The following FMN1 variants were observed in gnomAD, a reference collection of about 807,000 sequenced individuals.
FMN1 encodes formin 1, also known as formin-1.
A neutral mutation model predicts 132.4 loss-of-function variants in FMN1; 110 were observed. The observed-to-expected ratio is 0.83, with a 90% CI of 0.71 to 0.97. The LOEUF (loss-of-function observed/expected upper bound fraction) is 0.97. FMN1 is among the 50% of genes least tolerant of loss of function. FMN1 has a pLI of 0.00. For missense variants in FMN1, 1,792 were observed against 1,705.3 expected (o/e 1.05, Z -0.90); for synonymous variants, 722 against 651.7 (o/e 1.11, Z -1.64).
At chr15:32,808,009 TG>T (rs1396245595) in intron 17 of FMN1, among the ~76,000 whole-genome samples, 1 of 152,192 alleles carries the variant, frequency 6.6e-6, no homozygotes, top group Non-Finnish European at 1.5e-5. Flanking sequence ...ATACATGACC[TG>T]GAAGAACCAT....
intron 6 of FMN1, among the ~76,000 whole-genome samples, chr15:33,057,032 G>A (rs761972031): frequency 6.6e-6 from 1 of 152,114 alleles, no homozygotes; most frequent in African/African-American, 2.4e-5. Context: ...AAATAAATTA[G>A]CCAGGCACGG....
intron 6 of FMN1, among the ~76,000 whole-genome samples, chr15:33,053,450 G>A (rs1038223349): frequency 6.6e-6 from 1 of 152,166 alleles, no homozygotes; most frequent in African/African-American, 2.4e-5. Context: ...CCCACAAGGG[G>A]CTGAGTGCAG....
At chr15:32,929,981 A>ATTTTTTTT (rs377263342) in intron 9 of FMN1, among the ~76,000 whole-genome samples, 3 of 91,970 alleles carry the variant, frequency 3.3e-5, no homozygotes, top group African/African-American at 4.8e-5. Flanking sequence ...CTATTTTTAA[A>ATTTTTTTT]TTTTTTTTTT....
chr15:32,907,857 C>T (rs1049975531), intron 12 of FMN1, among the ~76,000 whole-genome samples: 2 of 152,046 alleles, frequency 1.3e-5, no homozygotes, highest in South Asian at 2.1e-4. Flanking sequence ...CTGCAGAGCC[C>T]CGGGAGCTTA....
At chr15:32,933,318 T>C (rs1177715534) in intron 9 of FMN1, among the ~76,000 whole-genome samples, 2 of 152,240 alleles carry the variant, frequency 1.3e-5, no homozygotes, top group Non-Finnish European at 2.9e-5. Context: ...TCTAGTTTCA[T>C]GCCATTGTGG....
At chr15:32,926,736 T>G (rs1220480534) in intron 9 of FMN1, among the ~76,000 whole-genome samples, 1 of 152,264 alleles carries the variant, frequency 6.6e-6, no homozygotes, top group East Asian at 1.9e-4. Context: ...CTTGGTAAAG[T>G]GATAACCTCT....
intron 4 of FMN1, 31 bp from the exon 5 acceptor site, chr15:33,089,005 C>T: frequency 2.0e-6 from 3 of 1,504,782 alleles, no homozygotes; most frequent in Non-Finnish European, 2.7e-6. Flanking sequence ...CCATCAGTGA[C>T]ATGGCAGCCA....
intron 9 of FMN1, among the ~76,000 whole-genome samples, chr15:32,931,634 C>A (rs1175473995): frequency 6.6e-6 from 1 of 152,144 alleles, no homozygotes; most frequent in African/African-American, 2.4e-5. Context: ...CATATAAGAT[C>A]ATATCTGTGA....
At chr15:33,102,134 T>G in intron 4 of FMN1, among the ~76,000 whole-genome samples, 1 of 152,154 alleles carries the variant, frequency 6.6e-6, no homozygotes, top group East Asian at 1.9e-4. Flanking sequence ...CTCCGTTATG[T>G]GCTAATTTAT....
At position 32,798,890 on chromosome 15, in the gene FMN1, G is replaced by C. The variant is rs2057382103; in HGVS notation, c.4044C>G (p.Pro1348=). ...KPKSGEKEIT[P]SYVFMVWYEF... is the part of the protein sequence containing the mutation. ...CATACCACACCATAAACACGTAGCTGGGTGTGATCTCCTTCTCACCAGACT... is the reference window on the plus strand; with the variant it reads ...CATACCACACCATAAACACGTAGCTCGGTGTGATCTCCTTCTCACCAGACT... Residue 1348 remains proline, a synonymous_variant, in exon 19 of 21, where the codon CCC becomes CCG. Coordinates refer to ENST00000616417, the MANE Select transcript of FMN1 (RefSeq NM_001277313.2). 2 of 1,613,024 alleles carry C rather than the reference G, an allele frequency of 1.2e-6. No homozygotes were observed. The highest frequency in any genetic ancestry group is 1.3e-5 in the African/African-American group (1 of 74,870).
chr15:33,116,919 T>C (rs894163902), intron 4 of FMN1, among the ~76,000 whole-genome samples: 1 of 144,648 alleles, frequency 6.9e-6, no homozygotes, highest in African/African-American at 2.5e-5. Context: ...TGAAACACGT[T>C]TTACAGCACT....
chr15:33,094,644 T>C (rs2039014532), intron 4 of FMN1, among the ~76,000 whole-genome samples: 1 of 152,224 alleles, frequency 6.6e-6, no homozygotes, highest in Non-Finnish European at 1.5e-5. Context: ...CATAGGAGCC[T>C]AGAGCCATGA....
At chr15:33,023,755 G>C (rs2035533474) in intron 6 of FMN1, among the ~76,000 whole-genome samples, 2 of 152,044 alleles carry the variant, frequency 1.3e-5, no homozygotes, top group African/African-American at 2.4e-5. Flanking sequence ...GAGTACAAAA[G>C]GAAGCATATA....
intron 4 of FMN1, among the ~76,000 whole-genome samples, chr15:33,089,814 A>G (rs977569636): frequency 2.6e-5 from 4 of 152,340 alleles, no homozygotes; most frequent in African/African-American, 9.6e-5. Context: ...CTGACATTCT[A>G]TTCTTAAGAT....
At chr15:32,971,491 T>C (rs1436440790) in intron 7 of FMN1, among the ~76,000 whole-genome samples, 1 of 152,164 alleles carries the variant, frequency 6.6e-6, no homozygotes, top group Non-Finnish European at 1.5e-5. Flanking sequence ...TGTTTCAACA[T>C]CGTATCATTT....
chr15:33,018,499 G>C (rs1210350997), intron 6 of FMN1, among the ~76,000 whole-genome samples: 1 of 152,114 alleles, frequency 6.6e-6, no homozygotes, highest in African/African-American at 2.4e-5. Flanking sequence ...GAACCCAAGA[G>C]GACTGGGTTC....
At chr15:33,023,298 C>G (rs1024115557) in intron 6 of FMN1, among the ~76,000 whole-genome samples, 1 of 151,772 alleles carries the variant, frequency 6.6e-6, no homozygotes, top group African/African-American at 2.4e-5. Flanking sequence ...CACGAGCCTT[C>G]AAGCCAAACT....
intron 17 of FMN1, among the ~76,000 whole-genome samples, chr15:32,821,565 C>T (rs766708983): frequency 2.3e-4 from 34 of 149,604 alleles, no homozygotes; most frequent in Admixed American, 1.4e-3. Context: ...CAATTCTCTG[C>T]CCCAGCCTCC....
intron 19 of FMN1, among the ~76,000 whole-genome samples, chr15:32,790,438 TTTA>T (rs1324101981): frequency 6.6e-6 from 1 of 152,214 alleles, no homozygotes; most frequent in African/African-American, 2.4e-5. Flanking sequence ...AGCCAAGGCA[TTTA>T]TTAAGGAAAC....
Sources: allele counts gnomAD v4.1 joint callset (sites outside exome capture counted in the v4.1 genomes callset), GRCh38; gene constraint gnomAD v4.1.1; transcripts MANE v1.5; gene names NCBI Gene and HGNC (gene_info 2026-07-23, HGNC 2026-07-21).